MAN2A1: variants seen among roughly 807,000 people sequenced by gnomAD.
MAN2A1 encodes alpha-mannosidase 2.
In MAN2A1, 76 loss-of-function variants were observed where a neutral mutation model predicts 142.6. That is an observed-to-expected ratio of 0.53 (90% CI 0.44 to 0.65). The LOEUF is 0.65. Ranked by LOEUF, MAN2A1 falls within the 30% of genes least tolerant of loss-of-function variation. MAN2A1 has a pLI of 0.00. For missense variants in MAN2A1, 1,311 were observed against 1,365.1 expected, an observed-to-expected ratio of 0.96 and a Z score of 0.62; for synonymous variants, 559 against 473.2, an observed-to-expected ratio of 1.18 and a Z score of -2.35.
chr5:109,693,015 C>T (rs1750715906), intron 1 of MAN2A1, among the ~76,000 whole-genome samples: 1 of 152,128 alleles, frequency 6.6e-6, no homozygotes, highest in African/African-American at 2.4e-5. Flanking sequence ...ATGCCACTCA[C>T]CTCCTGCTGT....
intron 4 of MAN2A1, among the ~76,000 whole-genome samples, chr5:109,746,760 C>T (rs980915797): frequency 5.3e-5 from 8 of 152,248 alleles, no homozygotes; most frequent in Admixed American, 2.0e-4. Flanking sequence ...ACCTGTTGAA[C>T]AGTAATTCCC....
At chr5:109,814,194 T>C (rs1754393219) in intron 12 of MAN2A1, among the ~76,000 whole-genome samples, 1 of 152,202 alleles carries the variant, frequency 6.6e-6, no homozygotes, top group Non-Finnish European at 1.5e-5. Context: ...TCTGAAGATA[T>C]AAACATAATT....
intron 1 of MAN2A1, among the ~76,000 whole-genome samples, chr5:109,709,468 A>G (rs781683494): frequency 6.7e-4 from 102 of 152,214 alleles, no homozygotes; most frequent in Admixed American, 1.3e-3. Flanking sequence ...AAAGGCACAC[A>G]GTTTTCCAGG....
chr5:109,716,823 G>C (rs1391542328), intron 3 of MAN2A1, among the ~76,000 whole-genome samples: 1 of 152,120 alleles, frequency 6.6e-6, no homozygotes, highest in Non-Finnish European at 1.5e-5. Flanking sequence ...GAGGATAGTA[G>C]TATCTGTTTC....
chr5:109,820,128 A>G lies in MAN2A1; in HGVS notation c.2329-92A>G. 3.5e-6 allele frequency: 4 copies of G among 1,157,280 alleles called. No individual in the cohort carries two copies. In the South Asian group the frequency reaches 6.2e-5, roughly 18 times the overall value. 71.7% of individuals were successfully genotyped at this position (1,157,280 alleles called of 1,614,324 possible). On this transcript the variant is annotated intron_variant, in intron 14 of 21. Transcript: ENST00000261483. ...GGTCCACCAGATAAGTACAGAAATTATTTTTTTAAATTGTCATATACATAG... is the reference window on the plus strand; with the variant it reads ...GGTCCACCAGATAAGTACAGAAATTGTTTTTTTAAATTGTCATATACATAG...
At chr5:109,806,918 A>G (rs1394340720) in intron 12 of MAN2A1, among the ~76,000 whole-genome samples, 1 of 152,230 alleles carries the variant, frequency 6.6e-6, no homozygotes, top group East Asian at 1.9e-4. Context: ...TCTCCTAAAT[A>G]TAGAGAAAGG....
intron 21 of MAN2A1, among the ~76,000 whole-genome samples, chr5:109,866,380 C>G (rs1340116069): frequency 1.3e-5 from 2 of 151,898 alleles, no homozygotes; most frequent in African/African-American, 4.8e-5. Flanking sequence ...CCTGTGTGCT[C>G]TCTCTTAACT....
chr5:109,756,641 G>A (rs1221182066), intron 5 of MAN2A1, among the ~76,000 whole-genome samples: 1 of 152,106 alleles, frequency 6.6e-6, no homozygotes, highest in Non-Finnish European at 1.5e-5. Flanking sequence ...TGTTGTTGTA[G>A]TGGTGCTGGT....
chr5:109,832,003 T>C (rs1364095184), intron 16 of MAN2A1, among the ~76,000 whole-genome samples: 1 of 151,724 alleles, frequency 6.6e-6, no homozygotes, highest in Non-Finnish European at 1.5e-5. Flanking sequence ...TCTCAGTGGG[T>C]TGTACCTTTT....
At chr5:109,712,189 G>T (rs372125114) in intron 1 of MAN2A1, among the ~76,000 whole-genome samples, 1 of 151,258 alleles carries the variant, frequency 6.6e-6, no homozygotes, top group Non-Finnish European at 1.5e-5. Flanking sequence ...CCTTTTCTTG[G>T]TAGATCTCAG....
chr5:109,860,312 A>G (rs1287385213), intron 20 of MAN2A1, among the ~76,000 whole-genome samples: 1 of 152,198 alleles, frequency 6.6e-6, no homozygotes, highest in Non-Finnish European at 1.5e-5. Context: ...CATTTTAATG[A>G]GCACCCTAAA....
At chr5:109,718,153 T>C (rs1324238497) in intron 3 of MAN2A1, among the ~76,000 whole-genome samples, 1 of 152,250 alleles carries the variant, frequency 6.6e-6, no homozygotes, top group African/African-American at 2.4e-5. Flanking sequence ...TGTTACTTAA[T>C]TGGGAGAGTG....
At chr5:109,708,248 G>A (rs555186530) in intron 1 of MAN2A1, among the ~76,000 whole-genome samples, 2 of 152,178 alleles carry the variant, frequency 1.3e-5, no homozygotes, top group East Asian at 1.9e-4. Context: ...CTGAGATGAC[G>A]GATAAGGTAA....
At chr5:109,777,042 A>G (rs1389004865) in intron 8 of MAN2A1, among the ~76,000 whole-genome samples, 2 of 152,138 alleles carry the variant, frequency 1.3e-5, no homozygotes, top group Admixed American at 6.5e-5. Flanking sequence ...GTCTATCACA[A>G]ATAAGTCTGC....
chr5:109,774,289 G>A lies in MAN2A1; in HGVS notation c.1197-499G>A, dbSNP rs1753224551. On this transcript the variant is annotated intron_variant, in intron 7 of 21. Transcript: ENST00000261483. Reference sequence around the variant, plus strand: ...ACAGATTAACATTTATTCCCTTTTGGTTTTGTTCAAAGTACACTTTTTTCT... The same window carrying A: ...ACAGATTAACATTTATTCCCTTTTGATTTTGTTCAAAGTACACTTTTTTCT... Among the ~76,000 whole-genome samples, 10 of 151,928 alleles carry A rather than the reference G, an allele frequency of 6.6e-5. No individual in the cohort carries two copies. The South Asian group carries it at 2.1e-3, about 32-fold the overall frequency.
rs60304365 is a variant in MAN2A1, at chr5:109,794,057, A to G, written c.1943+4530A>G. 1.2e-3 allele frequency: 185 copies of G among 152,306 alleles called. 1 individual carries two copies. Among genetic ancestry groups the G allele is most frequent in the African/African-American group, 3.6e-3 (149 of 41,576 alleles). 9.4% of individuals were successfully genotyped at this position (152,306 alleles called of 1,614,324 possible). A position where few individuals can be genotyped will look rare whatever the true frequency, so the allele number is the denominator to read the frequency against. ...TAATATCTCTACCAGTTGTTTACAC[A>G]TAAGTTTTAAATGAAGAAGCCAAAC... On this transcript the variant is annotated intron_variant, in intron 12 of 21. Coordinates refer to ENST00000261483, the MANE Select transcript of MAN2A1 (RefSeq NM_002372.4).
chr5:109,692,536 G>GACTGAGGC (rs369519614), intron 1 of MAN2A1, among the ~76,000 whole-genome samples: 1 of 152,144 alleles, frequency 6.6e-6, no homozygotes, highest in Non-Finnish European at 1.5e-5. Context: ...GTGGCGAGGG[G>GACTGAGGC]ACTGAGGCAC....
chr5:109,818,781 C>A (rs1391544456), intron 13 of MAN2A1, among the ~76,000 whole-genome samples: 5 of 152,072 alleles, frequency 3.3e-5, no homozygotes, highest in African/African-American at 1.2e-4. Context: ...TGGATAAAAA[C>A]ATTAGTGCTT....
intron 12 of MAN2A1, among the ~76,000 whole-genome samples, chr5:109,792,595 A>T (rs2269209): frequency 7.9e-5 from 12 of 152,124 alleles, no homozygotes; most frequent in African/African-American, 2.9e-4. Context: ...TAACAAACTA[A>T]TCTAAAACTT....
Sources: gnomAD v4.1 joint callset for allele counts (sites outside exome capture counted in the v4.1 genomes callset) on GRCh38, gnomAD v4.1.1 for gene constraint, MANE v1.5 for transcripts, NCBI Gene and HGNC (gene_info 2026-07-23, HGNC 2026-07-21) for gene names.